ERBB4: variants seen among roughly 807,000 people sequenced by gnomAD.
ERBB4 encodes receptor tyrosine-protein kinase erbB-4.
ERBB4 carries 42 observed loss-of-function variants against 158.0 expected under a neutral mutation model. The ratio of observed to expected loss-of-function variants is 0.27; its 90% CI spans 0.21 to 0.34. The LOEUF is 0.34. ERBB4 is among the 10% of genes least tolerant of loss of function. The pLI, the probability that ERBB4 is intolerant of heterozygous loss-of-function variation, is 1.00. For missense variants in ERBB4, 1,333 were observed against 1,624.1 expected, an observed-to-expected ratio of 0.82 and a Z score of 3.08; for synonymous variants, 583 against 558.7, an observed-to-expected ratio of 1.04 and a Z score of -0.61.
At chr2:211,773,211 G>A (rs1430604325) in intron 4 of ERBB4, among the ~76,000 whole-genome samples, 2 of 151,082 alleles carry the variant, frequency 1.3e-5, no homozygotes, top group African/African-American at 4.9e-5. Context: ...TTGGCAGTAA[G>A]AGAATAAGAC....
intron 5 of ERBB4, among the ~76,000 whole-genome samples, chr2:211,733,319 T>C (rs2074489289): frequency 6.6e-6 from 1 of 152,172 alleles, no homozygotes; most frequent in Admixed American, 6.5e-5. Flanking sequence ...ATTCAAAAAA[T>C]AATATTGCCT....
chr2:212,081,254 A>G (rs111556685), intron 2 of ERBB4, among the ~76,000 whole-genome samples: 1,973 of 152,304 alleles, frequency 0.013, 20 homozygotes, highest in Middle Eastern at 0.027. Flanking sequence ...AACTGCAGTC[A>G]GCATGGAGAT....
At chr2:212,505,136 G>A (rs1231559141) in intron 1 of ERBB4, among the ~76,000 whole-genome samples, 1 of 152,092 alleles carries the variant, frequency 6.6e-6, no homozygotes, top group Non-Finnish European at 1.5e-5. Flanking sequence ...TTGCTCTGTT[G>A]CCCAGGCTGG....
chr2:211,950,789 A>G (rs112481723), intron 2 of ERBB4, among the ~76,000 whole-genome samples: 2 of 152,022 alleles, frequency 1.3e-5, no homozygotes, highest in African/African-American at 4.8e-5. Flanking sequence ...GAGGGGTGAA[A>G]CTCAGCAGTG....
intron 16 of ERBB4, among the ~76,000 whole-genome samples, chr2:211,641,342 T>C (rs2070579104): frequency 6.6e-6 from 1 of 151,910 alleles, no homozygotes; most frequent in Non-Finnish European, 1.5e-5. Context: ...AGATAAATTC[T>C]ACTGTTCCAA....
intron 1 of ERBB4, among the ~76,000 whole-genome samples, chr2:212,440,475 T>C (rs2092230595): frequency 6.6e-6 from 1 of 152,206 alleles, no homozygotes; most frequent in South Asian, 2.1e-4. Context: ...ACCTTGTGAT[T>C]GTGTAAGTTA....
At chr2:212,074,709 G>T (rs1394517588) in intron 2 of ERBB4, among the ~76,000 whole-genome samples, 1 of 151,786 alleles carries the variant, frequency 6.6e-6, no homozygotes, top group Non-Finnish European at 1.5e-5. Flanking sequence ...GGATCCAGTT[G>T]GTGCTATGAT....
chr2:212,292,139 T>A (rs2086230306), intron 1 of ERBB4, among the ~76,000 whole-genome samples: 1 of 152,006 alleles, frequency 6.6e-6, no homozygotes, highest in Non-Finnish European at 1.5e-5. Context: ...TCCAACTTTC[T>A]CCATTATCAA....
At chr2:211,696,023 T>C in intron 12 of ERBB4, among the ~76,000 whole-genome samples, 1 of 146,934 alleles carries the variant, frequency 6.8e-6, no homozygotes, top group Non-Finnish European at 1.5e-5. Flanking sequence ...CTTTCCTTTC[T>C]CTTCCTTCCT....
At chr2:212,090,619 T>C (rs116212259) in intron 2 of ERBB4, among the ~76,000 whole-genome samples, 24 of 152,208 alleles carry the variant, frequency 1.6e-4, no homozygotes, top group African/African-American at 5.3e-4. Flanking sequence ...CAATTCTCCA[T>C]CCTAGATGCA....
chr2:212,384,289 G>C (rs2090602995), intron 1 of ERBB4, among the ~76,000 whole-genome samples: 1 of 151,580 alleles, frequency 6.6e-6, no homozygotes, highest in Admixed American at 6.6e-5. Flanking sequence ...CAGATTTTTA[G>C]CAGTGACTTA....
intron 1 of ERBB4, among the ~76,000 whole-genome samples, chr2:212,281,047 A>G (rs1261232343): frequency 6.6e-6 from 1 of 151,724 alleles, no homozygotes; most frequent in Non-Finnish European, 1.5e-5. Context: ...TCCTCTAGGA[A>G]TTATTTACTA....
chr2:211,991,432 C>G (rs2082073289), intron 2 of ERBB4, among the ~76,000 whole-genome samples: 1 of 152,040 alleles, frequency 6.6e-6, no homozygotes, highest in Non-Finnish European at 1.5e-5. Flanking sequence ...AAAAGAGATA[C>G]TGTCATCTAG....
At chr2:212,174,402 C>A (rs780318347) in intron 1 of ERBB4, among the ~76,000 whole-genome samples, 2 of 152,054 alleles carry the variant, frequency 1.3e-5, no homozygotes, top group Non-Finnish European at 2.9e-5. Context: ...AGTTAAGATA[C>A]ATACATTAAA....
intron 7 of ERBB4, among the ~76,000 whole-genome samples, chr2:211,713,868 G>C (rs1365791413): frequency 6.6e-6 from 1 of 152,054 alleles, no homozygotes; most frequent in Non-Finnish European, 1.5e-5. Flanking sequence ...CTTGGTTACT[G>C]CTCCACATAT....
chr2:211,575,996 A>G (rs1203571307), intron 19 of ERBB4, among the ~76,000 whole-genome samples: 1 of 152,178 alleles, frequency 6.6e-6, no homozygotes, highest in African/African-American at 2.4e-5. Flanking sequence ...ATTAAATATT[A>G]ATGCTGGTGT....
At chr2:211,498,511 T>C (rs2065532869) in intron 20 of ERBB4, among the ~76,000 whole-genome samples, 1 of 152,170 alleles carries the variant, frequency 6.6e-6, no homozygotes, top group Middle Eastern at 3.2e-3. Flanking sequence ...CAATATATTG[T>C]ACTAATTTCC....
At chr2:212,530,714 T>C (rs1692709066) in intron 1 of ERBB4, among the ~76,000 whole-genome samples, 1 of 152,164 alleles carries the variant, frequency 6.6e-6, no homozygotes, top group Admixed American at 6.6e-5. Context: ...AGCAGGTTTA[T>C]GATCCCCACT....
chr2:212,118,323 G>C (rs1559531423), intron 2 of ERBB4, among the ~76,000 whole-genome samples: 1 of 152,254 alleles, frequency 6.6e-6, no homozygotes, highest in African/African-American at 2.4e-5. Flanking sequence ...CATCACTCCT[G>C]ACTTTATTGT....
Sources: allele counts gnomAD v4.1 joint callset (sites outside exome capture counted in the v4.1 genomes callset), GRCh38; gene constraint gnomAD v4.1.1; transcripts MANE v1.5; gene names NCBI Gene and HGNC (gene_info 2026-07-23, HGNC 2026-07-21).